Variants in FAM193A observed in about 807,000 individuals in gnomAD.
The protein encoded by FAM193A is protein FAM193A.
In FAM193A, 22 loss-of-function variants were observed where a neutral mutation model predicts 126.5. That is an observed-to-expected ratio of 0.17 (90% CI 0.12 to 0.25). The LOEUF is 0.25. FAM193A is among the 10% of genes least tolerant of loss of function. FAM193A has a pLI of 1.00. For missense variants in FAM193A, 1,675 were observed against 1,672.8 expected, an observed-to-expected ratio of 1.00 and a Z score of -0.02; for synonymous variants, 761 against 646.8, an observed-to-expected ratio of 1.18 and a Z score of -2.68.
At chr4:2,580,747 T>C (rs75490517) in intron 1 of FAM193A, among the ~76,000 whole-genome samples, 4,383 of 152,348 alleles carry the variant, frequency 0.029, 225 homozygotes, top group African/African-American at 0.099. Context: ...AAGCTTCCTG[T>C]GGCCTCACTA....
At chr4:2,538,676 T>TA (rs949620525) in intron 1 of FAM193A, among the ~76,000 whole-genome samples, 5 of 37,610 alleles carry the variant, frequency 1.3e-4, no homozygotes, top group African/African-American at 5.5e-4. Context: ...TGCTGTCGGG[T>TA]AGGGGAGGGC....
intron 4 of FAM193A, among the ~76,000 whole-genome samples, chr4:2,629,188 T>A (rs916769496): frequency 1.3e-5 from 2 of 151,090 alleles, no homozygotes; most frequent in Non-Finnish European, 2.9e-5. Flanking sequence ...CACATGGTTA[T>A]TTCCTTAAAT....
At chr4:2,723,675 A>G (rs536296255) in intron 20 of FAM193A, among the ~76,000 whole-genome samples, 81 of 152,390 alleles carry the variant, frequency 5.3e-4, no homozygotes, top group African/African-American at 1.9e-3. Flanking sequence ...TTGATATCAA[A>G]ATAAGATCAT....
chr4:2,565,790 G>A (rs1473639257), intron 1 of FAM193A, among the ~76,000 whole-genome samples: 1 of 152,186 alleles, frequency 6.6e-6, no homozygotes, highest in Non-Finnish European at 1.5e-5. Context: ...TGTAATGACG[G>A]GGGAGTAACT....
At chr4:2,658,562 C>T (rs2109098952) in intron 8 of FAM193A, among the ~76,000 whole-genome samples, 1 of 152,294 alleles carries the variant, frequency 6.6e-6, no homozygotes. Context: ...TTCTCTCCAT[C>T]TCCTTTACGA....
At position 2,667,930 on chromosome 4, in the gene FAM193A, G is replaced by T. The variant is rs193111531; in HGVS notation, c.2080-4191G>T. Reference sequence around the variant, plus strand: ...TATCTCTTTTTTTCTTAGAGACAGGGTCTTGCTCTGTTACACAAGCTGGAG... The same window carrying T: ...TATCTCTTTTTTTCTTAGAGACAGGTTCTTGCTCTGTTACACAAGCTGGAG... On this transcript the variant is annotated intron_variant, in intron 12 of 20. Coordinates refer to ENST00000637812, the MANE Select transcript of FAM193A (RefSeq NM_001366318.2). Among the ~76,000 whole-genome samples, 15 of 152,208 alleles carry T rather than the reference G, an allele frequency of 9.9e-5. No individual in the cohort carries two copies. In the East Asian group the frequency reaches 2.9e-3, roughly 29 times the overall value.
At chr4:2,674,058 A>G (rs1345838962) in intron 13 of FAM193A, among the ~76,000 whole-genome samples, 1 of 152,256 alleles carries the variant, frequency 6.6e-6, no homozygotes, top group Non-Finnish European at 1.5e-5. Flanking sequence ...ATAGAAACTT[A>G]GAAATTTATA....
chr4:2,571,499 GA>G (rs1417634058), intron 1 of FAM193A, among the ~76,000 whole-genome samples: 1 of 151,962 alleles, frequency 6.6e-6, no homozygotes, highest in Non-Finnish European at 1.5e-5. Context: ...TGTCTTTGTG[GA>G]AAAGGGTTTT....
chr4:2,628,669 A>G (rs1203932834), intron 4 of FAM193A, among the ~76,000 whole-genome samples: 2 of 152,172 alleles, frequency 1.3e-5, no homozygotes, highest in Non-Finnish European at 2.9e-5. Flanking sequence ...TAGGTTTCCT[A>G]GTGAGTATTA....
At chr4:2,622,257 C>CAAAAAAAAAAAAAAAAA (rs71178493) in intron 2 of FAM193A, among the ~76,000 whole-genome samples, 2 of 55,546 alleles carry the variant, frequency 3.6e-5, no homozygotes, top group African/African-American at 1.4e-4. Flanking sequence ...ACCCTGTCTC[C>CAAAAAAAAAAAAAAAAA]AAAAAAAAAA....
chr4:2,699,452 AC>A lies in FAM193A; in HGVS notation c.3508-227del, dbSNP rs1717440274. On this transcript the variant is annotated intron_variant, in intron 18 of 20. Transcript: ENST00000637812. ...TTAACTACCACCCCCCCCCCCACAC[AC>A]ACACACACAAATAAGTAAGCATATA... is the stretch of plus-strand genomic sequence containing the variant. Among the ~76,000 whole-genome samples the A allele has an allele frequency of 3.1e-5, 3 of 96,420 alleles. 1 individual carries two copies. The highest frequency in any genetic ancestry group is 6.8e-5 in the Non-Finnish European group (3 of 43,972). The allele number at this position is 96,420 out of a possible 152,430, so 63.3% of individuals were successfully genotyped here.
At chr4:2,619,708 C>T (rs748806377) in intron 2 of FAM193A, among the ~76,000 whole-genome samples, 7 of 149,938 alleles carry the variant, frequency 4.7e-5, no homozygotes, top group Non-Finnish European at 8.9e-5. Context: ...TGTTTTGAGA[C>T]AATGTCTCTC....
Position 2,732,425 on chromosome 4 carries a change from C to T in FAM193A, c.*557C>T, listed in dbSNP as rs1279938013. The T allele has an allele frequency of 6.1e-6, 1 of 164,380 alleles. No individual in the cohort carries two copies. The highest frequency in any genetic ancestry group is 1.3e-5 in the Non-Finnish European group (1 of 75,186). The allele number at this position is 164,380 out of a possible 1,614,324, so 10.2% of individuals were successfully genotyped here. A position where few individuals can be genotyped will look rare whatever the true frequency, so the allele number is the denominator to read the frequency against. ...CAGAACGAGAAAGTTAAAAACAAGC[C>T]CACCCAGTACTCACACCATCAAGTC... is the stretch of plus-strand genomic sequence containing the variant. On this transcript the variant is annotated 3_prime_UTR_variant, in exon 21 of 21. Transcript: ENST00000637812.
chr4:2,691,596 G>A (rs1472434017), intron 15 of FAM193A, among the ~76,000 whole-genome samples: 2 of 152,054 alleles, frequency 1.3e-5, no homozygotes, highest in African/African-American at 4.8e-5. Context: ...GAGACCAATG[G>A]CAACTCAGTA....
intron 5 of FAM193A, among the ~76,000 whole-genome samples, chr4:2,636,498 C>T (rs1056698167): frequency 6.6e-6 from 1 of 152,106 alleles, no homozygotes; most frequent in Non-Finnish European, 1.5e-5. Context: ...TACTCTGTTC[C>T]GTTAAAATCC....
chr4:2,598,247 C>A (rs955553200), intron 2 of FAM193A, among the ~76,000 whole-genome samples: 5 of 152,210 alleles, frequency 3.3e-5, no homozygotes, highest in Admixed American at 3.3e-4. Context: ...ACATATACTT[C>A]TGTAACTTGC....
chr4:2,630,153 A>T (rs577240963), intron 4 of FAM193A, among the ~76,000 whole-genome samples: 1 of 151,224 alleles, frequency 6.6e-6, no homozygotes, highest in African/African-American at 2.4e-5. Flanking sequence ...AAAAATGTGG[A>T]TTATCATACA....
At position 2,696,538 on chromosome 4, in the gene FAM193A, C is replaced by G. The variant is rs773024588; in HGVS notation, c.3452C>G (p.Thr1151Ser). ...DLLQFINSSE[T>S]KPVSSTRAAK... ...TTGCAGTTTATAAATAGCTCCGAAA[C>G]CAAACCAGTGAGCAGCACGCGTGCA... The change falls in exon 18 of 21, where the codon ACC (threonine) becomes AGC (serine). Residue 1151 changes from threonine to serine, a missense_variant. Thr to Ser is a moderately conservative substitution (Grantham distance 58). Transcript: ENST00000637812. 1.9e-6 allele frequency: 3 copies of G among 1,614,190 alleles called. No individual in the cohort carries two copies. Among genetic ancestry groups the G allele is most frequent in the East Asian group, 2.2e-5 (1 of 44,882 alleles).
intron 5 of FAM193A, among the ~76,000 whole-genome samples, chr4:2,636,577 C>A (rs1744114594): frequency 6.6e-6 from 1 of 152,124 alleles, no homozygotes; most frequent in Admixed American, 6.5e-5. Flanking sequence ...ATTCATAGGT[C>A]ATTTTGCAAA....
Sources: gnomAD v4.1 joint callset for allele counts (sites outside exome capture counted in the v4.1 genomes callset) on GRCh38, gnomAD v4.1.1 for gene constraint, MANE v1.5 for transcripts, NCBI Gene and HGNC (gene_info 2026-07-23, HGNC 2026-07-21) for gene names.